The following NKAIN2 variants were observed in gnomAD, a reference collection of about 807,000 sequenced individuals.
NKAIN2 encodes the protein sodium/potassium-transporting ATPase subunit beta-1-interacting protein 2.
Under a neutral mutation model 32.6 loss-of-function variants are expected in NKAIN2, and 14 were observed. The observed-to-expected ratio is 0.43, with a 90% CI of 0.28 to 0.67. The LOEUF (loss-of-function observed/expected upper bound fraction) is 0.67, where lower values mean the gene tolerates loss of function less well. NKAIN2 is among the 30% of genes least tolerant of loss of function. NKAIN2 has a pLI of 0.17. For missense variants in NKAIN2, 198 were observed against 258.3 expected (o/e 0.77, Z 1.60); for synonymous variants, 80 against 87.2 (o/e 0.92, Z 0.46).
chr6:124,282,515 G>T (rs1194816591), intron 1 of NKAIN2, among the ~76,000 whole-genome samples: 1 of 152,182 alleles, frequency 6.6e-6, no homozygotes, highest in Admixed American at 6.5e-5. Flanking sequence ...CTTAGTGGCA[G>T]ACTCACGTTC....
chr6:124,723,648 G>A (rs779620443), intron 4 of NKAIN2, among the ~76,000 whole-genome samples: 5 of 152,116 alleles, frequency 3.3e-5, no homozygotes, highest in East Asian at 1.9e-4. Context: ...AAATGACAGC[G>A]GGTAGGAACA....
chr6:123,914,625 T>C (rs1775400077), intron 1 of NKAIN2, among the ~76,000 whole-genome samples: 1 of 152,130 alleles, frequency 6.6e-6, no homozygotes, highest in African/African-American at 2.4e-5. Flanking sequence ...ACTGAGGGTT[T>C]GGTGATTTGC....
intron 3 of NKAIN2, among the ~76,000 whole-genome samples, chr6:124,402,375 G>A (rs937885877): frequency 2.6e-5 from 4 of 152,140 alleles, no homozygotes; most frequent in African/African-American, 9.7e-5. Flanking sequence ...ACCATGTCCT[G>A]AAACAACCAT....
chr6:124,118,801 C>T (rs904501266), intron 1 of NKAIN2, among the ~76,000 whole-genome samples: 3 of 151,988 alleles, frequency 2.0e-5, no homozygotes, highest in East Asian at 1.9e-4. Context: ...CTGTACAGGC[C>T]GGAGTAAATA....
At chr6:124,024,210 T>G (rs1437754736) in intron 1 of NKAIN2, among the ~76,000 whole-genome samples, 4 of 152,126 alleles carry the variant, frequency 2.6e-5, no homozygotes, top group African/African-American at 9.7e-5. Flanking sequence ...TTCAGACAGA[T>G]TATATTCCCC....
At chr6:124,494,288 A>G (rs1412460910) in intron 3 of NKAIN2, among the ~76,000 whole-genome samples, 1 of 152,118 alleles carries the variant, frequency 6.6e-6, no homozygotes, top group Non-Finnish European at 1.5e-5. Context: ...TTGAACGAAT[A>G]ATTCAAAATA....
At chr6:124,664,556 AG>A (rs1331710028) in intron 4 of NKAIN2, among the ~76,000 whole-genome samples, 17 of 151,642 alleles carry the variant, frequency 1.1e-4, no homozygotes, top group African/African-American at 4.1e-4. Flanking sequence ...ATTTCTTGGG[AG>A]GCCGAGGCGG....
At chr6:124,438,407 T>C (rs927225184) in intron 3 of NKAIN2, among the ~76,000 whole-genome samples, 1 of 152,172 alleles carries the variant, frequency 6.6e-6, no homozygotes, top group Non-Finnish European at 1.5e-5. Flanking sequence ...TCCTTACTTA[T>C]GTTATCAATT....
intron 3 of NKAIN2, among the ~76,000 whole-genome samples, chr6:124,427,442 T>C (rs1775027923): frequency 6.6e-6 from 1 of 152,148 alleles, no homozygotes; most frequent in African/African-American, 2.4e-5. Context: ...AGCCCAAACT[T>C]AAATGGTATA....
At chr6:124,705,074 G>A (rs1562334065) in intron 4 of NKAIN2, among the ~76,000 whole-genome samples, 1 of 151,966 alleles carries the variant, frequency 6.6e-6, no homozygotes, top group Non-Finnish European at 1.5e-5. Context: ...CTCTTAAAAG[G>A]AATATGGCTT....
At chr6:123,960,135 C>G (rs575040117) in intron 1 of NKAIN2, among the ~76,000 whole-genome samples, 1 of 152,082 alleles carries the variant, frequency 6.6e-6, no homozygotes, top group Non-Finnish European at 1.5e-5. Context: ...TGTAAAAATT[C>G]TATATTGAAT....
At chr6:124,066,789 G>A (rs540569930) in intron 1 of NKAIN2, among the ~76,000 whole-genome samples, 1 of 151,980 alleles carries the variant, frequency 6.6e-6, no homozygotes, top group Non-Finnish European at 1.5e-5. Flanking sequence ...TCCTTTTAGT[G>A]CAGAGCATAT....
chr6:123,804,007 TGCCGCCGCC>T lies in NKAIN2; in HGVS notation c.-182_-174del, dbSNP rs531771934. On this transcript the variant is annotated 5_prime_UTR_variant, in exon 1 of 7. Transcript: ENST00000368417. ...TATGTGTGGCGGGCGCGGCTGGAGC[TGCCGCCGCC>T]GCCGCCGCCGCGCCAGCAGGTCCTA... 4 of 599,170 alleles carry T rather than the reference TGCCGCCGCC, an allele frequency of 6.7e-6. No homozygotes were observed. Among genetic ancestry groups the T allele is most frequent in the South Asian group, 1.9e-5 (1 of 51,930 alleles). 37.1% of individuals were successfully genotyped at this position (599,170 alleles called of 1,614,324 possible).
At chr6:124,215,354 A>T (rs952698328) in intron 1 of NKAIN2, among the ~76,000 whole-genome samples, 2 of 152,164 alleles carry the variant, frequency 1.3e-5, no homozygotes, top group African/African-American at 4.8e-5. Context: ...AATATAATAA[A>T]GAGATTTTCA....
intron 1 of NKAIN2, among the ~76,000 whole-genome samples, chr6:124,103,651 T>A (rs144799136): frequency 6.6e-6 from 1 of 152,200 alleles, no homozygotes; most frequent in East Asian, 1.9e-4. Context: ...ATTATACCAC[T>A]TTTTAAGCAA....
intron 4 of NKAIN2, among the ~76,000 whole-genome samples, chr6:124,747,254 T>C (rs1777490219): frequency 6.6e-6 from 1 of 151,888 alleles, no homozygotes; most frequent in African/African-American, 2.4e-5. Context: ...TCTCACTCTG[T>C]GAGTCTCTCC....
chr6:124,304,009 G>C (rs1346111955), intron 2 of NKAIN2, among the ~76,000 whole-genome samples: 1 of 152,188 alleles, frequency 6.6e-6, no homozygotes, highest in Non-Finnish European at 1.5e-5. Flanking sequence ...GGCAAACCAA[G>C]TTTTGGCATG....
chr6:124,340,086 CT>C (rs1270195763), intron 2 of NKAIN2, among the ~76,000 whole-genome samples: 1 of 152,062 alleles, frequency 6.6e-6, no homozygotes, highest in African/African-American at 2.4e-5. Flanking sequence ...AAAACTGAGA[CT>C]TCCAAAACCA....
At chr6:124,192,028 A>T (rs950313455) in intron 1 of NKAIN2, among the ~76,000 whole-genome samples, 4 of 152,044 alleles carry the variant, frequency 2.6e-5, no homozygotes, top group Non-Finnish European at 4.4e-5. Flanking sequence ...TATCAAATTT[A>T]TTAATATTTT....
Sources: gnomAD v4.1 joint callset for allele counts (sites outside exome capture counted in the v4.1 genomes callset) on GRCh38, gnomAD v4.1.1 for gene constraint, MANE v1.5 for transcripts, NCBI Gene and HGNC (gene_info 2026-07-23, HGNC 2026-07-21) for gene names.